Variants in LRP2 observed in about 807,000 individuals in gnomAD.
LRP2 encodes LDL receptor related protein 2, also known as low-density lipoprotein receptor-related protein 2.
Under a neutral mutation model 531.0 loss-of-function variants are expected in LRP2, and 172 were observed. That is an observed-to-expected ratio of 0.32 (90% CI 0.29 to 0.37). LRP2 has a LOEUF of 0.37. Ranked by LOEUF, LRP2 falls within the 10% of genes least tolerant of loss-of-function variation. LRP2 has a pLI of 1.00. For missense variants in LRP2, 5,167 were observed against 5,868.3 expected, an observed-to-expected ratio of 0.88 and a Z score of 3.90; for synonymous variants, 1,992 against 2,027.6, an observed-to-expected ratio of 0.98 and a Z score of 0.47.
intron 34 of LRP2, among the ~76,000 whole-genome samples, chr2:169,220,176 T>C (rs1375491773): frequency 6.6e-6 from 1 of 152,230 alleles, no homozygotes; most frequent in Non-Finnish European, 1.5e-5. Context: ...TCAATTCTTA[T>C]AATGCTATTT....
chr2:169,355,534 G>C (rs978313914), intron 1 of LRP2, among the ~76,000 whole-genome samples: 2 of 152,168 alleles, frequency 1.3e-5, no homozygotes, highest in African/African-American at 4.8e-5. Flanking sequence ...CATGACCCGG[G>C]ATTCAGTGGT....
chr2:169,246,321 G>C (rs1399342721), intron 21 of LRP2, among the ~76,000 whole-genome samples: 1 of 152,026 alleles, frequency 6.6e-6, no homozygotes. Context: ...TTCCCAGGCT[G>C]GTCTCAAACT....
intron 67 of LRP2, among the ~76,000 whole-genome samples, chr2:169,152,438 A>G (rs913629782): frequency 1.3e-5 from 2 of 152,220 alleles, no homozygotes; most frequent in Non-Finnish European, 2.9e-5. Context: ...CAGTGCTGCC[A>G]TACTGAAAGT....
chr2:169,255,620 A>C (rs1054357200), intron 19 of LRP2, among the ~76,000 whole-genome samples: 1 of 152,212 alleles, frequency 6.6e-6, no homozygotes. Flanking sequence ...TGAATAAAAA[A>C]GTTTCAAAGT....
chr2:169,241,833 C>T (rs150449247), intron 24 of LRP2, among the ~76,000 whole-genome samples: 44 of 152,248 alleles, frequency 2.9e-4, no homozygotes, highest in African/African-American at 1.0e-3. Context: ...CTAATGAAAC[C>T]ATCACACACT....
chr2:169,194,857 G>A (rs1264447857), intron 46 of LRP2, among the ~76,000 whole-genome samples: 2 of 151,816 alleles, frequency 1.3e-5, no homozygotes, highest in Admixed American at 6.6e-5. Context: ...GATTACAGGC[G>A]TGTGCCACCG....
intron 63 of LRP2, among the ~76,000 whole-genome samples, chr2:169,161,121 C>T (rs551112895): frequency 1.3e-5 from 2 of 152,238 alleles, no homozygotes; most frequent in South Asian, 2.1e-4. Flanking sequence ...CAGTATGTGC[C>T]CAAAGTGGCA....
chr2:169,188,192 G>T lies in LRP2; in HGVS notation c.9106C>A (p.Gln3036Lys). 1 of 1,614,150 alleles carries T rather than the reference G, an allele frequency of 6.2e-7. No homozygotes were observed. Among genetic ancestry groups the T allele is most frequent in the African/African-American group, 1.3e-5 (1 of 75,030 alleles). ...GCLYQTCQQNQFTCQNGRCIS... is the reference protein window; with the variant it reads ...GCLYQTCQQNKFTCQNGRCIS... ...CAGCGCCCGTTCTGACAGGTAAACT[G>T]ATTCTGTTGGCAAGTCTGGTATAAG... Residue 3036 changes from glutamine to lysine, a missense_variant, in exon 49 of 79, where the codon CAG becomes AAG. Transcript: ENST00000649046.
chr2:169,182,532 T>C, intron 50 of LRP2: 1 of 1,429,706 alleles, frequency 7.0e-7, no homozygotes, highest in Non-Finnish European at 9.2e-7. Context: ...AATTCCCACT[T>C]TAAGGTGGTG....
Position 169,256,091 on chromosome 2 carries a change from T to A in LRP2, c.2770+15A>T, listed in dbSNP as rs780616395. 4 of 1,612,140 alleles carry A rather than the reference T, an allele frequency of 2.5e-6. No homozygotes were observed. Among genetic ancestry groups the A allele is most frequent in the Non-Finnish European group, 3.4e-6 (4 of 1,178,688 alleles). ...GTATAAAAACAATACATACTTTTAT[T>A]GCTTTAAAACATACCTCCAAAGATG... is the stretch of plus-strand genomic sequence containing the variant. On this transcript the variant is annotated intron_variant, in intron 19 of 78. Transcript: ENST00000649046.
At chr2:169,279,297 A>AGT in intron 12 of LRP2, 75 bp downstream of exon 12, 1 of 1,055,466 alleles carries the variant, frequency 9.5e-7, no homozygotes, top group Non-Finnish European at 1.5e-6. Context: ...TGATTAATCC[A>AGT]GTAGATGTTC....
At chr2:169,188,341 T>C (rs1194650451) in intron 48 of LRP2, 76 bp from the exon 49 acceptor site, 8 of 1,442,448 alleles carry the variant, frequency 5.5e-6, no homozygotes, top group Non-Finnish European at 7.8e-6. Context: ...GGGGTTTTGC[T>C]TCCTTCTTTA....
chr2:169,205,652 G>C lies in LRP2; in HGVS notation c.7557-15C>G. The stretch of plus-strand genomic sequence containing the variant: ...AGTACAGGTACCTAGTCATACAAAA[G>C]GAGTCAATAATTAATTCACAGGGAA... On this transcript the variant is annotated splice_polypyrimidine_tract_variant and intron_variant, in intron 40 of 78. Coordinates refer to ENST00000649046, the MANE Select transcript of LRP2 (RefSeq NM_004525.3). 6.2e-7 allele frequency: 1 copy of C among 1,610,424 alleles called. No individual in the cohort carries two copies. Among genetic ancestry groups the C allele is most frequent in the Non-Finnish European group, 8.5e-7 (1 of 1,178,460 alleles).
At chr2:169,198,747 T>C (rs1450536856) in intron 45 of LRP2, 39 bp downstream of exon 45, 2 of 1,609,384 alleles carry the variant, frequency 1.2e-6, no homozygotes, top group East Asian at 2.2e-5. Flanking sequence ...AACATGCATC[T>C]CTGGAACGAT....
intron 6 of LRP2, among the ~76,000 whole-genome samples, chr2:169,292,590 G>A (rs1448049654): frequency 3.3e-5 from 5 of 152,126 alleles, no homozygotes; most frequent in South Asian, 2.1e-4. Flanking sequence ...CTCAGGTGCC[G>A]GTTTCTGTTT....
chr2:169,362,147 C>A (rs1686184827), intron 1 of LRP2, among the ~76,000 whole-genome samples, 174 bp downstream of exon 1: 1 of 152,346 alleles, frequency 6.6e-6, no homozygotes, highest in Admixed American at 6.5e-5. Flanking sequence ...CGAAGAGGGG[C>A]GCTCCCGCTC....
chr2:169,182,446 G>A, intron 50 of LRP2, 127 bp from the exon 51 acceptor site: 3 of 1,568,300 alleles, frequency 1.9e-6, no homozygotes, highest in Non-Finnish European at 2.6e-6. Flanking sequence ...CTTTCTTCAG[G>A]CAAATGAGGG....
chr2:169,199,895 T>C (rs1179610805), intron 44 of LRP2, among the ~76,000 whole-genome samples: 2 of 152,232 alleles, frequency 1.3e-5, no homozygotes, highest in African/African-American at 4.8e-5. Flanking sequence ...AGAAGAGATG[T>C]CATTATAAAA....
At chr2:169,152,262 C>T (rs986287840) in intron 67 of LRP2, among the ~76,000 whole-genome samples, 1 of 152,146 alleles carries the variant, frequency 6.6e-6, no homozygotes, top group African/African-American at 2.4e-5. Flanking sequence ...TAACTCAATT[C>T]CAAAGACTTC....
Sources: gnomAD v4.1 joint callset for allele counts (sites outside exome capture counted in the v4.1 genomes callset) on GRCh38, gnomAD v4.1.1 for gene constraint, MANE v1.5 for transcripts, NCBI Gene and HGNC (gene_info 2026-07-23, HGNC 2026-07-21) for gene names.